Variants in TMEM132D observed in about 807,000 individuals in gnomAD.
TMEM132D encodes the protein mature OL transmembrane protein.
In TMEM132D, 21 loss-of-function variants were observed where a neutral mutation model predicts 62.3. That is an observed-to-expected ratio of 0.34 (90% CI 0.24 to 0.49). The LOEUF is 0.49. TMEM132D is among the 20% of genes least tolerant of loss of function. The probability of loss-of-function intolerance (pLI) is 0.99; values close to 1 mark genes in which losing one functional copy is unlikely to be tolerated. For synonymous variants in TMEM132D, 621 were observed against 575.6 expected, an observed-to-expected ratio of 1.08 and a Z score of -1.13; for missense variants, 1,346 against 1,402.8, an observed-to-expected ratio of 0.96 and a Z score of 0.65.
intron 1 of TMEM132D, among the ~76,000 whole-genome samples, chr12:129,796,033 T>A (rs1871552143): frequency 6.6e-6 from 1 of 152,134 alleles, no homozygotes; most frequent in Admixed American, 6.5e-5. Context: ...GAAATAAATA[T>A]CCCTTTAAAA....
At chr12:129,238,817 G>T (rs1253288493) in intron 4 of TMEM132D, among the ~76,000 whole-genome samples, 1 of 152,140 alleles carries the variant, frequency 6.6e-6, no homozygotes. Flanking sequence ...TTGTGACCTT[G>T]CTGTCAATTC....
At chr12:129,167,738 A>G (rs1192885557) in intron 5 of TMEM132D, among the ~76,000 whole-genome samples, 1 of 152,004 alleles carries the variant, frequency 6.6e-6, no homozygotes, top group African/African-American at 2.4e-5. Context: ...ATATTAAAAT[A>G]ATTTAACAGT....
intron 2 of TMEM132D, among the ~76,000 whole-genome samples, chr12:129,574,523 T>C (rs1415349244): frequency 6.6e-6 from 1 of 151,918 alleles, no homozygotes; most frequent in Non-Finnish European, 1.5e-5. Flanking sequence ...AGAGCAGCGA[T>C]TGTGTGCAGA....
chr12:129,610,634 T>C (rs538350297), intron 2 of TMEM132D, among the ~76,000 whole-genome samples: 2 of 152,232 alleles, frequency 1.3e-5, no homozygotes, highest in Non-Finnish European at 2.9e-5. Flanking sequence ...GTAGCCCAGA[T>C]TGCTTGCATA....
At chr12:129,215,697 G>T (rs1879181316) in intron 4 of TMEM132D, among the ~76,000 whole-genome samples, 1 of 152,110 alleles carries the variant, frequency 6.6e-6, no homozygotes, top group African/African-American at 2.4e-5. Context: ...CTTGGATTGT[G>T]CATTAGTCTG....
intron 2 of TMEM132D, among the ~76,000 whole-genome samples, chr12:129,653,229 G>T (rs146141535): frequency 6.6e-6 from 1 of 152,248 alleles, no homozygotes; most frequent in East Asian, 1.9e-4. Context: ...TGGGCATACA[G>T]GGAGGAGAAC....
chr12:129,570,531 T>C (rs1247563046), intron 2 of TMEM132D, among the ~76,000 whole-genome samples: 1 of 152,212 alleles, frequency 6.6e-6, no homozygotes, highest in East Asian at 1.9e-4. Context: ...TTAATCCCAC[T>C]GGGACCTCTG....
intron 3 of TMEM132D, among the ~76,000 whole-genome samples, chr12:129,467,429 C>A (rs1227196839): frequency 6.6e-6 from 1 of 152,154 alleles, no homozygotes; most frequent in Non-Finnish European, 1.5e-5. Context: ...CAGCCAATGT[C>A]CTGGGATGGA....
chr12:129,080,420 C>T (rs1244236545), intron 7 of TMEM132D, among the ~76,000 whole-genome samples: 1 of 152,210 alleles, frequency 6.6e-6, no homozygotes, highest in Non-Finnish European at 1.5e-5. Context: ...ATGGTAGCTT[C>T]TCAGCCTTTA....
At chr12:129,307,173 G>A (rs1317259081) in intron 4 of TMEM132D, among the ~76,000 whole-genome samples, 2 of 151,936 alleles carry the variant, frequency 1.3e-5, no homozygotes, top group African/African-American at 4.8e-5. Flanking sequence ...TCCAAAATGG[G>A]TGCATATGTT....
At chr12:129,182,285 C>A (rs11060181) in intron 5 of TMEM132D, among the ~76,000 whole-genome samples, 76,254 of 151,740 alleles carry the variant, frequency 0.5, 19,186 homozygotes, top group East Asian at 0.63. Flanking sequence ...AATGGCTTGA[C>A]CCTGGGAGGC....
chr12:129,869,667 C>G (rs373459535), intron 1 of TMEM132D, among the ~76,000 whole-genome samples: 1 of 152,174 alleles, frequency 6.6e-6, no homozygotes, highest in Non-Finnish European at 1.5e-5. Context: ...AAAGTATTTT[C>G]CTAAGGAGTC....
At chr12:129,431,834 CT>C (rs1329469958) in intron 3 of TMEM132D, among the ~76,000 whole-genome samples, 1 of 152,194 alleles carries the variant, frequency 6.6e-6, no homozygotes, top group African/African-American at 2.4e-5. Context: ...CCCTGTTGCT[CT>C]TCTGCACCCT....
At chr12:129,542,599 T>C (rs1876613287) in intron 2 of TMEM132D, among the ~76,000 whole-genome samples, 1 of 152,168 alleles carries the variant, frequency 6.6e-6, no homozygotes, top group Non-Finnish European at 1.5e-5. Flanking sequence ...GGACATTTTC[T>C]AAGAGATTAA....
chr12:129,368,637 A>C (rs1018166716), intron 3 of TMEM132D, among the ~76,000 whole-genome samples: 1 of 151,906 alleles, frequency 6.6e-6, no homozygotes, highest in Non-Finnish European at 1.5e-5. Context: ...TGGGTCCTCC[A>C]TTGACGAGCA....
chr12:129,330,607 G>A (rs1325971887), intron 4 of TMEM132D, among the ~76,000 whole-genome samples: 1 of 152,160 alleles, frequency 6.6e-6, no homozygotes, highest in East Asian at 1.9e-4. Flanking sequence ...GTAAGAGGAG[G>A]CAGAGAGACC....
chr12:129,451,424 T>G (rs183789734), intron 3 of TMEM132D, among the ~76,000 whole-genome samples: 1 of 152,334 alleles, frequency 6.6e-6, no homozygotes, highest in East Asian at 1.9e-4. Context: ...ATCTGGTTCC[T>G]GCAGAATGAG....
chr12:129,776,788 C>CAAAAAA (rs148740560), intron 1 of TMEM132D, among the ~76,000 whole-genome samples: 26 of 68,074 alleles, frequency 3.8e-4, no homozygotes, highest in Non-Finnish European at 6.2e-4. Context: ...TAATGGGCTT[C>CAAAAAA]AAAAAAAAAA....
chr12:129,382,390 C>G (rs1870976685), intron 3 of TMEM132D, among the ~76,000 whole-genome samples: 1 of 152,194 alleles, frequency 6.6e-6, no homozygotes, highest in East Asian at 1.9e-4. Flanking sequence ...GCAATACTTA[C>G]AGCTTAGAGA....
Sources: allele counts gnomAD v4.1 joint callset (sites outside exome capture counted in the v4.1 genomes callset), GRCh38; gene constraint gnomAD v4.1.1; transcripts MANE v1.5; gene names NCBI Gene and HGNC (gene_info 2026-07-23, HGNC 2026-07-21).